WWOX: variants seen among roughly 807,000 people sequenced by gnomAD.
WWOX encodes WW domain containing oxidoreductase, also known as WW domain-containing oxidoreductase.
A neutral mutation model predicts 46.2 loss-of-function variants in WWOX; 69 were observed. The observed-to-expected ratio is 1.49, with a 90% CI of 1.23 to 1.82. WWOX has a LOEUF of 1.82. Among genes scored for constraint, WWOX ranks in the 40% most tolerant of loss-of-function variants. WWOX has a pLI of 0.00. For missense variants in WWOX, 919 were observed against 542.6 expected, an observed-to-expected ratio of 1.69 and a Z score of -6.89; for synonymous variants, 359 against 202.6, an observed-to-expected ratio of 1.77 and a Z score of -6.56.
chr16:79,066,325 C>G (rs556305582), intron 8 of WWOX, among the ~76,000 whole-genome samples: 1 of 152,322 alleles, frequency 6.6e-6, no homozygotes, highest in South Asian at 2.1e-4. Context: ...CTGCTTTACT[C>G]ATGTACTTGT....
At chr16:78,371,894 A>T (rs191770632) in intron 5 of WWOX, among the ~76,000 whole-genome samples, 1 of 152,272 alleles carries the variant, frequency 6.6e-6, no homozygotes, top group East Asian at 1.9e-4. Context: ...ATATTTTCTG[A>T]TGTTTTAATA....
intron 8 of WWOX, among the ~76,000 whole-genome samples, chr16:78,999,403 G>A (rs375798896): frequency 2.6e-5 from 4 of 152,322 alleles, no homozygotes; most frequent in South Asian, 4.1e-4. Flanking sequence ...CCAGAAGGCG[G>A]AAGTTGCGGT....
intron 8 of WWOX, among the ~76,000 whole-genome samples, chr16:78,764,470 T>G (rs7198511): frequency 1.4e-4 from 20 of 147,522 alleles, no homozygotes; most frequent in Non-Finnish European, 2.7e-4. Flanking sequence ...TTTGTAAAAT[T>G]AAGACTGTTT....
At chr16:79,049,843 A>T (rs2048134114) in intron 8 of WWOX, among the ~76,000 whole-genome samples, 1 of 151,900 alleles carries the variant, frequency 6.6e-6, no homozygotes. Flanking sequence ...TCAAAAAAAA[A>T]AAAAAAAAAA....
chr16:78,916,242 C>G (rs536632383), intron 8 of WWOX, among the ~76,000 whole-genome samples: 1 of 152,228 alleles, frequency 6.6e-6, no homozygotes, highest in Admixed American at 6.5e-5. Context: ...AGTTTGCCGG[C>G]CAGGAAGTTT....
chr16:79,033,292 A>G (rs918093934), intron 8 of WWOX, among the ~76,000 whole-genome samples: 5 of 146,982 alleles, frequency 3.4e-5, no homozygotes, highest in Admixed American at 7.2e-5. Flanking sequence ...ATATATATAT[A>G]CACACATATG....
chr16:78,250,280 C>T (rs979817921), intron 5 of WWOX, among the ~76,000 whole-genome samples: 2 of 152,216 alleles, frequency 1.3e-5, no homozygotes, highest in East Asian at 1.9e-4. Context: ...GTCACAAGCT[C>T]GGTTCTGGAG....
chr16:78,558,055 T>G lies in WWOX; in HGVS notation c.1056+125303T>G, dbSNP rs56746558. 1.4e-3 allele frequency among the ~76,000 whole-genome samples: 215 copies of G among 152,192 alleles called. 1 individual carries two copies. In the East Asian group the frequency reaches 0.029, roughly 21 times the overall value. ...TAGTCGGCCCTCAGTGAGCATTTGT[T>G]GACTAACTTAGGTCACAGATGTGGG... On this transcript the variant is annotated intron_variant, in intron 8 of 8. Coordinates refer to ENST00000566780, the MANE Select transcript of WWOX (RefSeq NM_016373.4).
At chr16:78,645,107 A>G (rs2046808540) in intron 8 of WWOX, among the ~76,000 whole-genome samples, 1 of 152,294 alleles carries the variant, frequency 6.6e-6, no homozygotes. Flanking sequence ...TAAGCAATAT[A>G]CAATCTAGTT....
chr16:78,996,108 C>A (rs542502468), intron 8 of WWOX: 9 of 740,080 alleles, frequency 1.2e-5, no homozygotes, highest in Non-Finnish European at 1.5e-5. Flanking sequence ...AACGTGGCCC[C>A]TTCCATGAAA....
chr16:78,875,253 T>C (rs1348776157), intron 8 of WWOX, among the ~76,000 whole-genome samples: 2 of 152,140 alleles, frequency 1.3e-5, no homozygotes, highest in Non-Finnish European at 2.9e-5. Context: ...TCTTTAGGGT[T>C]CTACCACTCC....
chr16:78,717,377 A>G (rs1190552478), intron 8 of WWOX, among the ~76,000 whole-genome samples: 1 of 152,224 alleles, frequency 6.6e-6, no homozygotes, highest in Non-Finnish European at 1.5e-5. Flanking sequence ...CCTGCTTAAT[A>G]TTACACTGTA....
At chr16:78,137,686 C>T (rs1328555541) in intron 4 of WWOX, among the ~76,000 whole-genome samples, 3 of 152,118 alleles carry the variant, frequency 2.0e-5, no homozygotes, top group Admixed American at 1.3e-4. Context: ...AAACAGTCTG[C>T]TGAGGGATTC....
chr16:78,995,904 G>A (rs755021283), intron 8 of WWOX, among the ~76,000 whole-genome samples: 3 of 152,230 alleles, frequency 2.0e-5, no homozygotes, highest in East Asian at 3.9e-4. Context: ...ATTTCCAAAC[G>A]ATTTTGCGTT....
In WWOX at chr16:78,589,346, G is replaced by C. The variant is rs1157895775; in HGVS notation, c.1056+156594G>C. On this transcript the variant is annotated intron_variant, in intron 8 of 8. Coordinates refer to ENST00000566780, the MANE Select transcript of WWOX (RefSeq NM_016373.4). ...TTGATGGGGGGACACATGCCAGCCA[G>C]GTTACCTGATTCATCTAGTTGTGAT... is the stretch of plus-strand genomic sequence containing the variant. Among the ~76,000 whole-genome samples the C allele has an allele frequency of 2.6e-5, 4 of 152,186 alleles. No homozygotes were observed. In the East Asian group the frequency reaches 7.7e-4, roughly 29 times the overall value.
At chr16:79,181,467 C>G (rs1379179331) in intron 8 of WWOX, among the ~76,000 whole-genome samples, 1 of 151,984 alleles carries the variant, frequency 6.6e-6, no homozygotes, top group Non-Finnish European at 1.5e-5. Context: ...ATTTCTGAGT[C>G]AAAGGTCAGG....
At chr16:78,848,016 G>A (rs1177203620) in intron 8 of WWOX, among the ~76,000 whole-genome samples, 1 of 152,154 alleles carries the variant, frequency 6.6e-6, no homozygotes, top group Non-Finnish European at 1.5e-5. Context: ...TAGCCTGTCG[G>A]TGCCTGGCAT....
chr16:78,458,336 C>A (rs1376877560), intron 8 of WWOX, among the ~76,000 whole-genome samples: 1 of 149,238 alleles, frequency 6.7e-6, no homozygotes, highest in East Asian at 2.0e-4. Flanking sequence ...TCACAGCTCA[C>A]TGCAGTCTTG....
chr16:79,178,808 C>G (rs551080306), intron 8 of WWOX, among the ~76,000 whole-genome samples: 3 of 152,150 alleles, frequency 2.0e-5, no homozygotes, highest in Admixed American at 6.5e-5. Context: ...TTTTTTTCCT[C>G]TTTGCTTTCT....
Sources: allele counts gnomAD v4.1 joint callset (sites outside exome capture counted in the v4.1 genomes callset), GRCh38; gene constraint gnomAD v4.1.1; transcripts MANE v1.5; gene names NCBI Gene and HGNC (gene_info 2026-07-23, HGNC 2026-07-21).